The following PDXDC1 variants were observed in gnomAD, a reference collection of about 807,000 sequenced individuals.
PDXDC1 encodes the protein pyridoxal dependent decarboxylase domain containing 1, also known as pyridoxal-dependent decarboxylase domain-containing protein 1.
Under a neutral mutation model 100.1 loss-of-function variants are expected in PDXDC1, and 42 were observed. The ratio of observed to expected loss-of-function variants is 0.42; its 90% CI spans 0.33 to 0.54. The LOEUF (loss-of-function observed/expected upper bound fraction) is 0.54, where lower values mean the gene tolerates loss of function less well. PDXDC1 is among the 20% of genes least tolerant of loss of function. The pLI is 0.10. For synonymous variants in PDXDC1, 260 were observed against 371.7 expected, an observed-to-expected ratio of 0.70 and a Z score of 3.46; for missense variants, 636 against 979.2, an observed-to-expected ratio of 0.65 and a Z score of 4.68.
intron 16 of PDXDC1, chr16:15,083,485 T>C (rs746235800): frequency 1.9e-6 from 3 of 1,607,056 alleles, no homozygotes; most frequent in South Asian, 1.1e-5. Flanking sequence ...AACTTTTCCA[T>C]GATGTTCTCA....
At chr16:15,133,223 G>A (rs983209864) in intron 16 of PDXDC1, 9 of 1,293,530 alleles carry the variant, frequency 7.0e-6, no homozygotes, top group African/African-American at 4.4e-5. Flanking sequence ...TCCCCAGCAC[G>A]CATGCAGCAG....
At chr16:15,087,670 T>G (rs7405315) in intron 16 of PDXDC1, among the ~76,000 whole-genome samples, 1 of 151,982 alleles carries the variant, frequency 6.6e-6, no homozygotes, top group Non-Finnish European at 1.5e-5. Flanking sequence ...CCACAACTGT[T>G]AAGGATAACA....
At chr16:15,152,243 C>T in the PDXDC1 span, among the ~76,000 whole-genome samples, 1 of 111,818 alleles carries the variant, frequency 8.9e-6, no homozygotes, top group African/African-American at 2.8e-5. Context: ...TGGAGAGGCA[C>T]CTGCGTGAGC....
At chr16:15,074,403 A>C (rs955077359) in intron 16 of PDXDC1, among the ~76,000 whole-genome samples, 1 of 152,196 alleles carries the variant, frequency 6.6e-6, no homozygotes, top group Non-Finnish European at 1.5e-5. Flanking sequence ...ACCATATATT[A>C]GTGCACCCTA....
At chr16:14,985,188 A>AAAGTGACT (rs1369478137) in intron 1 of PDXDC1, among the ~76,000 whole-genome samples, 2 of 151,760 alleles carry the variant, frequency 1.3e-5, no homozygotes, top group Non-Finnish European at 2.9e-5. Flanking sequence ...AAAAATTTTT[A>AAAGTGACT]AAGTGACTAG....
At chr16:15,058,802 C>A (rs751663464) in intron 16 of PDXDC1, among the ~76,000 whole-genome samples, 23 of 152,146 alleles carry the variant, frequency 1.5e-4, no homozygotes, top group Non-Finnish European at 2.8e-4. Context: ...ATTTGTGTTT[C>A]AAATTTTTTA....
At chr16:15,085,493 T>G in intron 16 of PDXDC1, 10 of 959,944 alleles carry the variant, frequency 1.0e-5, no homozygotes, top group African/African-American at 1.7e-5. Context: ...AAAAAAATGT[T>G]TTTTTGCAGA....
intron 17 of PDXDC1, 177 bp from the exon 18 acceptor site, chr16:15,032,683 CT>C (rs1259120212): frequency 5.6e-6 from 2 of 355,038 alleles, no homozygotes; most frequent in African/African-American, 4.9e-5. Context: ...TTTCCTGTGA[CT>C]TTCTCTTTAC....
At chr16:15,025,259 A>G (rs2042503040) in intron 13 of PDXDC1, 2 of 152,400 alleles carry the variant, frequency 1.3e-5, no homozygotes, top group Admixed American at 1.3e-4. Flanking sequence ...CTGAGTTCAA[A>G]GAAAGAAAAG....
downstream of PDXDC1, among the ~76,000 whole-genome samples, chr16:15,143,853 C>T (rs981708093): frequency 6.6e-6 from 1 of 152,204 alleles, no homozygotes; most frequent in Non-Finnish European, 1.5e-5. Context: ...TGAGTGGGGT[C>T]TGGGGGCCGG....
intron 13 of PDXDC1, chr16:15,026,087 C>T (rs1406260050): frequency 1.3e-5 from 2 of 153,548 alleles, no homozygotes; most frequent in African/African-American, 4.8e-5. Context: ...CTTGTTGCCC[C>T]CTCTTTTTTT....
chr16:15,147,653 A>G, the PDXDC1 span, among the ~76,000 whole-genome samples: 6 of 152,130 alleles, frequency 3.9e-5, no homozygotes, highest in Non-Finnish European at 8.8e-5. Context: ...CAGCCCCCAA[A>G]GTAGCTGAGA....
At chr16:15,003,645 T>C (rs1671889820) in intron 4 of PDXDC1, among the ~76,000 whole-genome samples, 3 of 152,294 alleles carry the variant, frequency 2.0e-5, no homozygotes, top group Non-Finnish European at 4.4e-5. Context: ...TTGTAGGTAC[T>C]CAATTTAAAA....
intron 16 of PDXDC1, among the ~76,000 whole-genome samples, chr16:15,082,037 A>T (rs182665833): frequency 6.6e-6 from 1 of 152,338 alleles, no homozygotes; most frequent in Admixed American, 6.5e-5. Context: ...TTAGAATGAC[A>T]TATAAAATCA....
At chr16:15,131,429 T>C in intron 16 of PDXDC1, 2 of 1,608,158 alleles carry the variant, frequency 1.2e-6, no homozygotes, top group South Asian at 1.1e-5. Context: ...GCCGGGGCCC[T>C]GCTGAAAGCC....
At chr16:15,089,521 C>T (rs151029959) in intron 16 of PDXDC1, among the ~76,000 whole-genome samples, 200 of 152,252 alleles carry the variant, frequency 1.3e-3, no homozygotes, top group Middle Eastern at 6.8e-3. Flanking sequence ...GGATCACTGG[C>T]CGGGCGTGGT....
Position 15,037,230 on chromosome 16 carries a change from TTAAG to T in PDXDC1, c.*957_*960del, listed in dbSNP as rs2043510114. 6.6e-6 allele frequency: 1 copy of T among 152,214 alleles called. No homozygotes were observed. Among genetic ancestry groups the T allele is most frequent in the South Asian group, 2.1e-4 (1 of 4,830 alleles). The allele number at this position is 152,214 out of a possible 1,614,324, so 9.4% of individuals were successfully genotyped here. A position where few individuals can be genotyped will look rare whatever the true frequency, so the allele number is the denominator to read the frequency against. On this transcript the variant is annotated 3_prime_UTR_variant, in exon 23 of 23. Transcript: ENST00000396410. ...ACGCTGATCCAGCCGGGCACCCTGC[TTAAG>T]TCAGTAGAAGCTCGCTGGCACTGCC...
the PDXDC1 span, among the ~76,000 whole-genome samples, chr16:15,147,086 G>A: frequency 7.1e-6 from 1 of 141,832 alleles, no homozygotes; most frequent in African/African-American, 2.8e-5. Context: ...CAGGGAGGGA[G>A]AGGTGGGAGG....
chr16:15,130,961 G>C (rs1027923727), intron 16 of PDXDC1: 4 of 751,868 alleles, frequency 5.3e-6, no homozygotes, highest in Non-Finnish European at 6.8e-6. Flanking sequence ...TCTCCGGCCA[G>C]GCCCCCAGCA....
Sources: allele counts gnomAD v4.1 joint callset (sites outside exome capture counted in the v4.1 genomes callset), GRCh38; gene constraint gnomAD v4.1.1; transcripts MANE v1.5; gene names NCBI Gene and HGNC (gene_info 2026-07-23, HGNC 2026-07-21).